The following SMARCAL1 variants were observed in gnomAD, a reference collection of about 807,000 sequenced individuals.
SMARCAL1 encodes SNF2 related chromatin remodeling annealing helicase 1, also known as ATP-driven annealing helicase.
Under a neutral mutation model 94.5 loss-of-function variants are expected in SMARCAL1, and 58 were observed. The observed-to-expected ratio is 0.61, with a 90% CI of 0.50 to 0.76. SMARCAL1 has a LOEUF of 0.76. Ranked by LOEUF, SMARCAL1 falls within the 30% of genes least tolerant of loss-of-function variation. The pLI is 0.00. For missense variants in SMARCAL1, 1,051 were observed against 1,177.9 expected, an observed-to-expected ratio of 0.89 and a Z score of 1.58; for synonymous variants, 422 against 455.1, an observed-to-expected ratio of 0.93 and a Z score of 0.93.
chr2:216,413,452 T>C (rs538675470), intron 1 of SMARCAL1, among the ~76,000 whole-genome samples: 7 of 152,350 alleles, frequency 4.6e-5, no homozygotes, highest in Non-Finnish European at 8.8e-5. Flanking sequence ...ATGTTTACAA[T>C]GATCCTACTT....
Position 216,452,198 on chromosome 2 carries a change from A to G in SMARCAL1, c.2070+1134A>G, listed in dbSNP as rs1694465403. Among the ~76,000 whole-genome samples, 3 of 152,152 alleles carry G rather than the reference A, an allele frequency of 2.0e-5. No individual in the cohort carries two copies. In the South Asian group the frequency reaches 6.2e-4, roughly 32 times the overall value. On this transcript the variant is annotated intron_variant, in intron 12 of 17. Coordinates refer to ENST00000357276, the MANE Select transcript of SMARCAL1 (RefSeq NM_014140.4). ...CAACATCGATGTAGACATATAGACC[A>G]GTGTTCTCAGATTATATTTCAGTGG...
chr2:216,447,372 A>G (rs538034434), intron 11 of SMARCAL1, among the ~76,000 whole-genome samples: 3 of 152,198 alleles, frequency 2.0e-5, no homozygotes, highest in Admixed American at 6.5e-5. Flanking sequence ...TTTAATGGTT[A>G]TGGTTATCCG....
intron 14 of SMARCAL1, among the ~76,000 whole-genome samples, chr2:216,468,554 A>G (rs1283418227): frequency 6.6e-6 from 1 of 152,206 alleles, no homozygotes; most frequent in Non-Finnish European, 1.5e-5. Context: ...AAAACTGAAC[A>G]CATTTCATCC....
chr2:216,462,829 TAAAAAAA>T (rs146065376), intron 12 of SMARCAL1, among the ~76,000 whole-genome samples: 1 of 143,968 alleles, frequency 6.9e-6, no homozygotes, highest in Non-Finnish European at 1.5e-5. Flanking sequence ...CTACAAAAAA[TAAAAAAA>T]AAAAAAAAGC....
At position 216,428,608 on chromosome 2, in the gene SMARCAL1, G is replaced by A. The variant is rs141881295; in HGVS notation, c.1160G>A (p.Arg387His). Reference sequence around the variant, plus strand: ...TTCTTCTTTTCAGTTGCAAAGGTGCGCTGCCTCCCACAAGTTCAGCTGGAC... The same window carrying A: ...TTCTTCTTTTCAGTTGCAAAGGTGCACTGCCTCCCACAAGTTCAGCTGGAC... ...EEHSKLIAKV[R>H]CLPQVQLDPL... The change falls in exon 7 of 18, where the codon CGC (arginine) becomes CAC (histidine). Residue 387 changes from arginine (R) to histidine (H), a missense_variant. Arg to His is a conservative substitution (Grantham distance 29, BLOSUM62 0). Transcript: ENST00000357276. The A allele has an allele frequency of 2.9e-5, 47 of 1,613,638 alleles. No homozygotes were observed. The highest frequency in any genetic ancestry group is 1.6e-4 in the East Asian group (7 of 44,894).
At chr2:216,430,743 G>T (rs1445087976) in intron 7 of SMARCAL1, among the ~76,000 whole-genome samples, 1 of 152,230 alleles carries the variant, frequency 6.6e-6, no homozygotes, top group Non-Finnish European at 1.5e-5. Flanking sequence ...AGATGGTAAA[G>T]CTGAGAAGGC....
chr2:216,471,776 G>A (rs181373945), intron 14 of SMARCAL1, among the ~76,000 whole-genome samples: 10 of 152,264 alleles, frequency 6.6e-5, no homozygotes. Flanking sequence ...GAAATCATCA[G>A]ACTAGTCAGA....
At chr2:216,464,138 C>T (rs1694776169) in intron 12 of SMARCAL1, among the ~76,000 whole-genome samples, 1 of 152,208 alleles carries the variant, frequency 6.6e-6, no homozygotes, top group East Asian at 1.9e-4. Flanking sequence ...CAGAGGTAAG[C>T]TCTGTAAGTC....
rs1487717647 is a variant in SMARCAL1 at position 216,475,517 on chromosome 2, G to A, written c.2427+66G>A. The stretch of plus-strand genomic sequence containing the variant: ...CATGGCTGTGGGCAGGAAGCAGTGA[G>A]TGTCGGTCGGGGAAAGTGTGGTTTC... On this transcript the variant is annotated intron_variant, in intron 15 of 17. Transcript: ENST00000357276. This position sits in a 1 kb window ranked among gnomAD's most constrained non-coding sequence, Gnocchi z 4.4. The A allele has an allele frequency of 7.8e-6, 12 of 1,531,076 alleles. No homozygotes were observed. In the Admixed American group the frequency reaches 2.0e-4, roughly 26 times the overall value. The allele number at this position is 1,531,076 out of a possible 1,614,324, so 94.8% of individuals were successfully genotyped here.
intron 12 of SMARCAL1, among the ~76,000 whole-genome samples, chr2:216,462,955 T>A (rs753857498): frequency 6.6e-6 from 1 of 152,128 alleles, no homozygotes; most frequent in South Asian, 2.1e-4. Context: ...GAGTCCAGCC[T>A]GGGTGACAGA....
chr2:216,439,801 C>T lies in SMARCAL1; in HGVS notation c.1710+1316C>T, dbSNP rs150390489. On this transcript the variant is annotated intron_variant, in intron 10 of 17. Transcript: ENST00000357276. ...GGTTTTGCTGGGGTGGTGGCTCACG[C>T]CTGTAATCCCAGCACTTTGGGAGGC... 5.5e-3 allele frequency among the ~76,000 whole-genome samples: 835 copies of T among 152,296 alleles called. 10 individuals are homozygous for T. Among genetic ancestry groups the T allele is most frequent in the African/African-American group, 0.019 (786 of 41,562 alleles).
intron 6 of SMARCAL1, among the ~76,000 whole-genome samples, chr2:216,424,587 A>C (rs1693791048): frequency 1.3e-5 from 2 of 152,198 alleles, no homozygotes; most frequent in South Asian, 4.1e-4. Context: ...TGTGAGGGAA[A>C]AACTGGGTTC....
chr2:216,445,395 G>A lies in SMARCAL1; in HGVS notation c.1711-1623G>A, dbSNP rs1419254740. Among the ~76,000 whole-genome samples, 4 of 152,070 alleles carry A rather than the reference G, an allele frequency of 2.6e-5. No homozygotes were observed. The East Asian group carries it at 5.8e-4, about 22-fold the overall frequency. ...ATGCCCACAAACACCCATTGGCAAC[G>A]CTCCCATCACTCTCTAGTCTAGGGA... is the stretch of plus-strand genomic sequence containing the variant. On this transcript the variant is annotated intron_variant, in intron 10 of 17. Transcript: ENST00000357276.
At chr2:216,419,850 C>T (rs774005432) in intron 4 of SMARCAL1, among the ~76,000 whole-genome samples, 11 of 151,562 alleles carry the variant, frequency 7.3e-5, no homozygotes, top group Admixed American at 2.6e-4. Context: ...GGCAACATAG[C>T]GAAACCCTGA....
In SMARCAL1 at chr2:216,467,953, C is replaced by A; in HGVS notation, c.2151C>A (p.Ile717=). ...TCATTGTCAAATGCAGTGAATATAT[C>A]TTGGACCTACTGGAAAGTGGAAGAG... The part of the protein sequence containing the change: ...EAKIPSVIEY[I]LDLLESGREK... Residue 717 remains isoleucine, a synonymous_variant, in exon 14 of 18, where the codon ATC becomes ATA. Transcript: ENST00000357276. The A allele has an allele frequency of 6.2e-7, 1 of 1,605,258 alleles. No homozygotes were observed. The highest frequency in any genetic ancestry group is 1.1e-5 in the South Asian group (1 of 90,870).
intron 6 of SMARCAL1, among the ~76,000 whole-genome samples, chr2:216,424,414 A>G (rs181957568): frequency 1.9e-3 from 297 of 152,334 alleles, no homozygotes; most frequent in Non-Finnish European, 3.1e-3. Context: ...TGCAGCTAGC[A>G]TGGCTTATGT....
intron 6 of SMARCAL1, among the ~76,000 whole-genome samples, chr2:216,425,569 T>G (rs555483009): frequency 6.6e-6 from 1 of 152,238 alleles, no homozygotes; most frequent in East Asian, 1.9e-4. Context: ...ACCAAGAATG[T>G]GTTATAGCCC....
chr2:216,467,242 G>A (rs536166933), intron 13 of SMARCAL1, among the ~76,000 whole-genome samples: 1 of 152,270 alleles, frequency 6.6e-6, no homozygotes, highest in East Asian at 1.9e-4. Context: ...AGGCCAAGGT[G>A]GGCAAATCAC....
intron 11 of SMARCAL1, among the ~76,000 whole-genome samples, chr2:216,449,383 TTTTTTC>T (rs144769080): frequency 0.26 from 39,315 of 150,400 alleles, 6,134 homozygotes; most frequent in Non-Finnish European, 0.35. Flanking sequence ...GCTGCCTTTT[TTTTTTC>T]TTTTTCTTTT....
Sources: gnomAD v4.1 joint callset for allele counts (sites outside exome capture counted in the v4.1 genomes callset) on GRCh38, gnomAD v4.1.1 for gene constraint, Gnocchi (gnomAD v3.1) non-coding constraint, MANE v1.5 for transcripts, NCBI Gene and HGNC (gene_info 2026-07-23, HGNC 2026-07-21) for gene names.